Variants in MASP1 observed in about 807,000 individuals in gnomAD.
MASP1 encodes the protein mannan-binding lectin serine protease 1.
MASP1 carries 59 observed loss-of-function variants against 77.1 expected under a neutral mutation model. That is an observed-to-expected ratio of 0.77 (90% confidence interval 0.62 to 0.95). The LOEUF (loss-of-function observed/expected upper bound fraction) is 0.95, where lower values mean the gene tolerates loss of function less well. Ranked by LOEUF, MASP1 falls within the 40% of genes least tolerant of loss-of-function variation. The probability of loss-of-function intolerance (pLI) is 0.00; values close to 1 mark genes in which losing one functional copy is unlikely to be tolerated. For synonymous variants in MASP1, 362 were observed against 354.5 expected (o/e 1.02, Z -0.24); for missense variants, 885 against 912.9 (o/e 0.97, Z 0.39).
At position 187,236,145 on chromosome 3, in the gene MASP1, T is replaced by C. The variant is rs560087949; in HGVS notation, c.1726A>G (p.Arg576Gly). ...GGGGCCGGGCCTTCAGGCTCAAGCC[T>C]TGGCAGGCAGACAGGCATAACGTGG... ...GPHVMPVCLP[R>G]LEPEGPAPHM... Residue 576 changes from arginine to glycine, a missense_variant, in exon 11 of 11, where the codon AGG becomes GGG. By Grantham distance (125) the Arg-to-Gly change is moderately radical. Coordinates refer to ENST00000296280, the MANE Select transcript of MASP1 (RefSeq NM_139125.4). 1.1e-5 allele frequency: 17 copies of C among 1,613,936 alleles called. 1 individual carries two copies. In the South Asian group the frequency reaches 1.8e-4, roughly 17 times the overall value.
chr3:187,268,852 G>A (rs1478487056), intron 2 of MASP1, among the ~76,000 whole-genome samples: 1 of 152,116 alleles, frequency 6.6e-6, no homozygotes. Context: ...GGATAACAAG[G>A]TCAGGAGTTC....
At chr3:187,288,276 T>G (rs916226283) in intron 1 of MASP1, among the ~76,000 whole-genome samples, 2 of 152,130 alleles carry the variant, frequency 1.3e-5, no homozygotes, top group African/African-American at 4.8e-5. Flanking sequence ...CAAGTTAACC[T>G]GTGAATTAGT....
chr3:187,260,635 A>G, intron 4 of MASP1, 106 bp downstream of exon 4: 1 of 1,515,984 alleles, frequency 6.6e-7, no homozygotes, highest in Non-Finnish European at 9.1e-7. Flanking sequence ...CATTGACTTC[A>G]TTTTTACTTG....
chr3:187,233,642 G>A (rs1712902395), downstream of MASP1, among the ~76,000 whole-genome samples: 1 of 152,238 alleles, frequency 6.6e-6, no homozygotes, highest in South Asian at 2.1e-4. Context: ...CCATGATGCT[G>A]TAGTTGCCTT....
downstream of MASP1, among the ~76,000 whole-genome samples, chr3:187,230,576 C>T (rs929021171): frequency 2.0e-5 from 3 of 152,230 alleles, no homozygotes; most frequent in South Asian, 2.1e-4. Flanking sequence ...AATCTTGTCT[C>T]CTCAGAGAAG....
intron 15 of MASP1, chr3:187,220,410 G>A: frequency 3.1e-6 from 2 of 643,648 alleles, no homozygotes; most frequent in East Asian, 2.7e-5. Context: ...GCAGTTCTAG[G>A]TCAGGCCGCA....
chr3:187,273,149 T>C (rs752143769), intron 2 of MASP1, among the ~76,000 whole-genome samples: 4 of 152,154 alleles, frequency 2.6e-5, no homozygotes, highest in Non-Finnish European at 4.4e-5. Flanking sequence ...GCTGAGATTG[T>C]CCCTGGATAC....
At chr3:187,232,802 T>G (rs566275331), downstream of MASP1, among the ~76,000 whole-genome samples, 3 of 152,226 alleles carry the variant, frequency 2.0e-5, no homozygotes, top group South Asian at 4.2e-4. Flanking sequence ...GGAAATGTAA[T>G]AGAACATGAG....
chr3:187,240,147 C>T (rs528517318), intron 10 of MASP1, among the ~76,000 whole-genome samples: 1 of 117,094 alleles, frequency 8.5e-6, no homozygotes, highest in Admixed American at 8.5e-5. Context: ...AATCCTATAA[C>T]CTCTTTTTCT....
At chr3:187,222,393 C>G (rs747337292) in intron 14 of MASP1, among the ~76,000 whole-genome samples, 1 of 152,116 alleles carries the variant, frequency 6.6e-6, no homozygotes, top group Non-Finnish European at 1.5e-5. Context: ...ACCAAATAGA[C>G]CCCCGGGAGT....
At chr3:187,269,873 T>C (rs1184116690) in intron 2 of MASP1, among the ~76,000 whole-genome samples, 1 of 152,234 alleles carries the variant, frequency 6.6e-6, no homozygotes, top group African/African-American at 2.4e-5. Context: ...TCAAGAGCTA[T>C]ACCTTTGTGT....
chr3:187,278,710 T>A (rs1300812468), intron 2 of MASP1, among the ~76,000 whole-genome samples: 2 of 152,134 alleles, frequency 1.3e-5, no homozygotes, highest in African/African-American at 4.8e-5. Context: ...TCCTTTTTCC[T>A]CTCCCATACG....
Position 187,262,851 on chromosome 3 carries a change from G to A in MASP1, c.238-131C>T, listed in dbSNP as rs1521596. The A allele has an allele frequency of 1.4e-3, 1,031 of 741,176 alleles. 12 individuals are homozygous for A. The African/African-American group carries it at 0.016, about 12-fold the overall frequency. The allele number at this position is 741,176 out of a possible 1,614,324, so 45.9% of individuals were successfully genotyped here. A position where few individuals can be genotyped will look rare whatever the true frequency, so the allele number is the denominator to read the frequency against. ...CAGCCTGAGAAACCCAAAGAAAGGA[G>A]GTTAAGGATTCTTGAGAAAAGACGC... On this transcript the variant is annotated intron_variant, in intron 2 of 10. Coordinates refer to ENST00000296280, the MANE Select transcript of MASP1 (RefSeq NM_139125.4).
In MASP1 at chr3:187,235,365, T is replaced by C. The variant is rs756321328; in HGVS notation, c.*319A>G. The C allele has an allele frequency of 7.1e-7, 1 of 1,417,736 alleles. No homozygotes were observed. The highest frequency in any genetic ancestry group is 1.2e-5 in the South Asian group (1 of 82,108). 87.8% of individuals were successfully genotyped at this position (1,417,736 alleles called of 1,614,324 possible). On this transcript the variant is annotated 3_prime_UTR_variant, in exon 11 of 11. Coordinates refer to ENST00000296280, the MANE Select transcript of MASP1 (RefSeq NM_139125.4). ...CAGGAGTGAATAAAGGCCACTGGGG[T>C]AAGAAGCATGGCCTGGAAAGGAGTG...
intron 15 of MASP1, chr3:187,220,270 A>C (rs1455123151): frequency 6.2e-7 from 1 of 1,613,440 alleles, no homozygotes; most frequent in Non-Finnish European, 8.5e-7. Flanking sequence ...CCCTAGGTGA[A>C]AAAGAGACAT....
At chr3:187,218,434 T>A (rs1182887495) in exon 16 of MASP1, 2 of 152,574 alleles carry the variant, frequency 1.3e-5, no homozygotes, top group Non-Finnish European at 2.9e-5. Flanking sequence ...AAAATGGAGT[T>A]TCTGCTAGCT....
At chr3:187,277,754 C>G (rs1039945195) in intron 2 of MASP1, among the ~76,000 whole-genome samples, 1 of 152,132 alleles carries the variant, frequency 6.6e-6, no homozygotes, top group Admixed American at 6.5e-5. Flanking sequence ...TGCAATAATC[C>G]GTGCTCTTCC....
chr3:187,234,995 A>G lies in MASP1; in HGVS notation c.*689T>C. 1.6e-6 allele frequency: 2 copies of G among 1,287,240 alleles called. No homozygotes were observed. The highest frequency in any genetic ancestry group is 2.0e-6 in the Non-Finnish European group (2 of 988,696). The allele number at this position is 1,287,240 out of a possible 1,614,324, so 79.7% of individuals were successfully genotyped here. A position where few individuals can be genotyped will look rare whatever the true frequency, so the allele number is the denominator to read the frequency against. On this transcript the variant is annotated 3_prime_UTR_variant, in exon 11 of 11. Coordinates refer to ENST00000296280, the MANE Select transcript of MASP1 (RefSeq NM_139125.4). ...GGCCTCCCACGGCTATTCTGCTCCC[A>G]GCAGTCAGCACAAACCTTCCCAACT...
At chr3:187,259,044 A>G (rs1427995001) in intron 4 of MASP1, among the ~76,000 whole-genome samples, 1 of 152,210 alleles carries the variant, frequency 6.6e-6, no homozygotes, top group Non-Finnish European at 1.5e-5. Context: ...CTGTGAGTGC[A>G]GGAATTCTGC....
Sources: allele counts gnomAD v4.1 joint callset (sites outside exome capture counted in the v4.1 genomes callset), GRCh38; gene constraint gnomAD v4.1.1; transcripts MANE v1.5; gene names NCBI Gene and HGNC (gene_info 2026-07-23, HGNC 2026-07-21).